Variants in TENM2 observed in about 807,000 individuals in gnomAD.
The protein encoded by TENM2 is teneurin transmembrane protein 2.
Under a neutral mutation model 245.2 loss-of-function variants are expected in TENM2, and 52 were observed. That is an observed-to-expected ratio of 0.21 (90% confidence interval 0.17 to 0.27). TENM2 has a LOEUF of 0.27. Ranked by LOEUF, TENM2 falls within the 10% of genes least tolerant of loss-of-function variation. The pLI is 1.00. For missense variants in TENM2, 3,046 were observed against 3,666.8 expected (o/e 0.83, Z 4.37); for synonymous variants, 1,363 against 1,438.9 (o/e 0.95, Z 1.19).
chr5:167,853,234 G>A (rs1329396338), intron 2 of TENM2, among the ~76,000 whole-genome samples: 2 of 129,192 alleles, frequency 1.5e-5, no homozygotes, highest in Non-Finnish European at 1.6e-5. Flanking sequence ...AGCTTGCAGT[G>A]AGCCGAGATC....
chr5:167,760,000 G>A (rs1762557233), intron 2 of TENM2, among the ~76,000 whole-genome samples: 2 of 152,160 alleles, frequency 1.3e-5, no homozygotes, highest in South Asian at 2.1e-4. Context: ...ACTTGAGCAT[G>A]GTCTTACTTG....
chr5:167,246,971 A>T, the TENM2 span, among the ~76,000 whole-genome samples: 2 of 152,102 alleles, frequency 1.3e-5, no homozygotes, highest in African/African-American at 4.8e-5. Flanking sequence ...AAACACCAGG[A>T]TGGAAAGTAT....
At chr5:167,841,590 A>G (rs1769523585) in intron 2 of TENM2, among the ~76,000 whole-genome samples, 1 of 152,130 alleles carries the variant, frequency 6.6e-6, no homozygotes, top group Admixed American at 6.6e-5. Flanking sequence ...CCTCCAGACA[A>G]CTCAGTGTGT....
At chr5:167,480,957 T>TA (rs1767720038) in intron 2 of TENM2, among the ~76,000 whole-genome samples, 1 of 152,158 alleles carries the variant, frequency 6.6e-6, no homozygotes, top group Non-Finnish European at 1.5e-5. Context: ...GGAATTCCCA[T>TA]AAAAAATTCA....
At chr5:167,567,650 T>C (rs1156509183) in intron 2 of TENM2, among the ~76,000 whole-genome samples, 1 of 152,136 alleles carries the variant, frequency 6.6e-6, no homozygotes, top group Admixed American at 6.5e-5. Context: ...GATGAGCTAA[T>C]TTTGACACCA....
chr5:167,702,952 C>G (rs1348462070), intron 2 of TENM2, among the ~76,000 whole-genome samples: 2 of 152,134 alleles, frequency 1.3e-5, no homozygotes, highest in African/African-American at 2.4e-5. Context: ...CGTAAGCCAC[C>G]ACGCCCAGCC....
intron 2 of TENM2, among the ~76,000 whole-genome samples, chr5:167,572,223 T>A (rs1236302436): frequency 6.6e-6 from 1 of 152,250 alleles, no homozygotes; most frequent in Non-Finnish European, 1.5e-5. Context: ...AATCCCTCTT[T>A]GGGCACAGCA....
intron 5 of TENM2, among the ~76,000 whole-genome samples, chr5:168,042,570 T>G (rs990042526): frequency 6.6e-6 from 1 of 151,670 alleles, no homozygotes; most frequent in Non-Finnish European, 1.5e-5. Flanking sequence ...CCCTATAATC[T>G]CCCTGTCCTG....
chr5:167,619,788 T>C (rs914041574), intron 2 of TENM2, among the ~76,000 whole-genome samples: 1 of 152,144 alleles, frequency 6.6e-6, no homozygotes, highest in African/African-American at 2.4e-5. Context: ...CCTTAAGCAT[T>C]GGGTAAACTT....
intron 1 of TENM2, among the ~76,000 whole-genome samples, chr5:167,339,393 G>A (rs895827631): frequency 5.3e-5 from 8 of 152,076 alleles, no homozygotes; most frequent in African/African-American, 1.9e-4. Flanking sequence ...CTCTATTCCT[G>A]GTTTCCTGAT....
intron 2 of TENM2, among the ~76,000 whole-genome samples, chr5:167,475,861 G>A (rs1767337093): frequency 6.6e-6 from 1 of 152,050 alleles, no homozygotes; most frequent in African/African-American, 2.4e-5. Flanking sequence ...GTATTCTATG[G>A]TGTATATGTG....
chr5:167,953,994 A>C (rs1780329699), intron 4 of TENM2, among the ~76,000 whole-genome samples: 1 of 152,136 alleles, frequency 6.6e-6, no homozygotes, highest in African/African-American at 2.4e-5. Context: ...TTTTTGCTTT[A>C]TTAAGAGAAA....
chr5:167,611,067 C>T (rs986206054), intron 2 of TENM2, among the ~76,000 whole-genome samples: 2 of 152,186 alleles, frequency 1.3e-5, no homozygotes, highest in African/African-American at 4.8e-5. Flanking sequence ...GGCATGCCCA[C>T]TATAGTAGCT....
chr5:167,248,926 G>A, the TENM2 span, among the ~76,000 whole-genome samples: 1 of 152,052 alleles, frequency 6.6e-6, no homozygotes, highest in Non-Finnish European at 1.5e-5. Context: ...TGAAACTGCA[G>A]GCCCCCAAAA....
At chr5:167,536,980 C>T (rs4869053) in intron 2 of TENM2, among the ~76,000 whole-genome samples, 86,723 of 151,696 alleles carry the variant, frequency 0.57, 25,038 homozygotes, top group South Asian at 0.7. Flanking sequence ...GCCAAGATCA[C>T]GCCACTGCAC....
intron 13 of TENM2, among the ~76,000 whole-genome samples, chr5:168,179,481 CCA>C (rs1374094646): frequency 6.6e-6 from 1 of 152,194 alleles, no homozygotes; most frequent in Non-Finnish European, 1.5e-5. Flanking sequence ...ATTCTGCTGC[CCA>C]GTTTCCCAAA....
chr5:168,062,395 G>A, intron 7 of TENM2, 130 bp downstream of exon 9: 1 of 756,914 alleles, frequency 1.3e-6, no homozygotes, highest in Non-Finnish European at 2.1e-6. Flanking sequence ...ATGTTGGCGA[G>A]AATTTGGAGA....
At position 167,718,653 on chromosome 5, in the gene TENM2, TG is replaced by T. The variant is rs376487391; in HGVS notation, c.503-157330del. 2.0e-3 allele frequency among the ~76,000 whole-genome samples: 308 copies of T among 152,290 alleles called. 2 individuals are homozygous for T. Among genetic ancestry groups the T allele is most frequent in the African/African-American group, 7.2e-3 (301 of 41,572 alleles). ...TATCCATTGTATAGTGGAAAGAATA[TG>T]GGTTTTGAGGTCATATTATAGATCG... is the stretch of plus-strand genomic sequence containing the variant. On this transcript the variant is annotated intron_variant, in intron 2 of 28. Transcript: ENST00000518659.
At chr5:168,124,754 C>T in intron 10 of TENM2, 96 bp from the exon 13 acceptor site, 1 of 1,181,294 alleles carries the variant, frequency 8.5e-7, no homozygotes, top group South Asian at 1.5e-5. Context: ...ACTGGTGACC[C>T]ACTGGTCCAT....
Sources: gnomAD v4.1 joint callset for allele counts (sites outside exome capture counted in the v4.1 genomes callset) on GRCh38, gnomAD v4.1.1 for gene constraint, MANE v1.5 for transcripts, NCBI Gene and HGNC (gene_info 2026-07-23, HGNC 2026-07-21) for gene names.